Variants in MGST2 observed in about 807,000 individuals in gnomAD.
MGST2 encodes glutathione peroxidase MGST2.
In MGST2, 9 loss-of-function variants were observed where a neutral mutation model predicts 16.6. The observed-to-expected ratio is 0.54, with a 90% confidence interval of 0.33 to 0.95. MGST2 has a LOEUF of 0.95. MGST2 is among the 40% of genes least tolerant of loss of function. The pLI, the probability that MGST2 is intolerant of heterozygous loss-of-function variation, is 0.03. For missense variants in MGST2, 159 were observed against 175.1 expected, an observed-to-expected ratio of 0.91 and a Z score of 0.52; for synonymous variants, 79 against 68.0, an observed-to-expected ratio of 1.16 and a Z score of -0.79.
intron 2 of MGST2, among the ~76,000 whole-genome samples, chr4:139,688,298 A>T (rs1358353898): frequency 6.6e-6 from 1 of 152,182 alleles, no homozygotes; most frequent in Non-Finnish European, 1.5e-5. Flanking sequence ...TGGAGTCTAG[A>T]TGTATATCTA....
intron 5 of MGST2, among the ~76,000 whole-genome samples, chr4:139,711,561 G>A (rs1010379520): frequency 6.6e-6 from 1 of 152,174 alleles, no homozygotes; most frequent in African/African-American, 2.4e-5. Flanking sequence ...ACTGGTGGGA[G>A]TGTAGCAGAG....
At chr4:139,707,544 G>T (rs1312916814), downstream of MGST2, among the ~76,000 whole-genome samples, 12 of 152,186 alleles carry the variant, frequency 7.9e-5, no homozygotes, top group African/African-American at 2.7e-4. Context: ...CAAGCAGCAT[G>T]ATTTATAATC....
chr4:139,668,854 C>G (rs1579282580), intron 1 of MGST2, among the ~76,000 whole-genome samples: 1 of 151,996 alleles, frequency 6.6e-6, no homozygotes, highest in Non-Finnish European at 1.5e-5. Context: ...ATTCCTTGGG[C>G]TCTGTCAGGA....
At position 139,666,117 on chromosome 4, in the gene MGST2, C is replaced by CGCGCGCGTGT. The variant is rs372455548; in HGVS notation, c.58+41_58+42insCGCGCGTGTG. 2,313 of 1,025,224 alleles carry CGCGCGCGTGT rather than the reference C, an allele frequency of 2.3e-3. 26 individuals carry two copies. In the African/African-American group the frequency reaches 0.08, roughly 36 times the overall value. The allele number at this position is 1,025,224 out of a possible 1,614,324, so 63.5% of individuals were successfully genotyped here. On this transcript the variant is annotated intron_variant, in intron 1 of 4. Coordinates refer to ENST00000265498, the MANE Select transcript of MGST2 (RefSeq NM_002413.5). ...AAGTTCGTGTGTGTGCGCGTGTGTG[C>CGCGCGCGTGT]GTGTGTGTGTGTGTGTGACAAGGCT... is the stretch of plus-strand genomic sequence containing the variant.
chr4:139,698,999 A>T (rs1224696938), intron 3 of MGST2, among the ~76,000 whole-genome samples: 1 of 152,214 alleles, frequency 6.6e-6, no homozygotes, highest in African/African-American at 2.4e-5. Flanking sequence ...CACTAGTAGC[A>T]ATCTGTATGG....
At chr4:139,741,680 G>A, downstream of MGST2, among the ~76,000 whole-genome samples, 1 of 152,196 alleles carries the variant, frequency 6.6e-6, no homozygotes, top group East Asian at 1.9e-4. Context: ...CTGGGAGGTT[G>A]AGGCTGCAGT....
intron 1 of MGST2, 80 bp downstream of exon 1, chr4:139,666,157 G>A: frequency 2.5e-5 from 35 of 1,374,392 alleles, no homozygotes; most frequent in Non-Finnish European, 3.4e-5. Flanking sequence ...GGAGAGAGAG[G>A]GAGGGAGGGA....
chr4:139,665,910 T>C lies in MGST2; in HGVS notation c.-110T>C, dbSNP rs987038389. 5.5e-6 allele frequency: 6 copies of C among 1,090,904 alleles called. No homozygotes were observed. Among genetic ancestry groups the C allele is most frequent in the African/African-American group, 3.1e-5 (2 of 64,978 alleles). The allele number at this position is 1,090,904 out of a possible 1,614,324, so 67.6% of individuals were successfully genotyped here. The stretch of plus-strand genomic sequence containing the variant: ...CATTCAGCCGCTTGAATCAGCCTTT[T>C]CCCCCCACCCGGTCCCCAACTTTGT... On this transcript the variant is annotated 5_prime_UTR_variant, in exon 1 of 5. Transcript: ENST00000265498.
chr4:139,671,509 G>A (rs1278230236), intron 1 of MGST2, among the ~76,000 whole-genome samples: 2 of 106,560 alleles, frequency 1.9e-5, no homozygotes, highest in Admixed American at 8.8e-5. Context: ...TCTGTCGCCC[G>A]GGCTGGAGTG....
At chr4:139,666,426 G>A (rs1385274607) in intron 1 of MGST2, among the ~76,000 whole-genome samples, 1 of 152,170 alleles carries the variant, frequency 6.6e-6, no homozygotes, top group Non-Finnish European at 1.5e-5. Flanking sequence ...AGGAAGTGGT[G>A]TGAATATTAA....
chr4:139,687,603 T>C (rs1731635145), intron 2 of MGST2: 1 of 152,296 alleles, frequency 6.6e-6, no homozygotes, highest in Non-Finnish European at 1.5e-5. Flanking sequence ...TTTCTCCTGC[T>C]GATTTTGCCC....
Position 139,715,135 on chromosome 4 carries a change from T to G in MGST2, c.*48+10939T>G. 1.3e-5 allele frequency among the ~76,000 whole-genome samples: 2 copies of G among 152,128 alleles called. No homozygotes were observed. Among genetic ancestry groups the G allele is most frequent in the East Asian group, 3.9e-4 (2 of 5,186 alleles). On this transcript the variant is annotated intron_variant, in intron 5 of 5. Transcript: ENST00000616265. The surrounding 1 kb of genome is among the most constrained non-coding windows in gnomAD (Gnocchi z 4.4). Reference sequence around the variant, plus strand: ...GTCGGTCAAGCATCCTTGCCTTTTATTAAGGGGGAGCCTTTAACCACCTCT... The same window carrying G: ...GTCGGTCAAGCATCCTTGCCTTTTAGTAAGGGGGAGCCTTTAACCACCTCT...
chr4:139,728,130 G>T (rs1728552713), intron 5 of MGST2, among the ~76,000 whole-genome samples: 1 of 152,196 alleles, frequency 6.6e-6, no homozygotes, highest in Admixed American at 6.5e-5. Context: ...TGGGAAGATT[G>T]CTTGAGCTCA....
chr4:139,679,659 T>A (rs1234536792), intron 2 of MGST2, among the ~76,000 whole-genome samples: 1 of 152,224 alleles, frequency 6.6e-6, no homozygotes, highest in East Asian at 1.9e-4. Flanking sequence ...CATTGGTCTC[T>A]TGATTATCCA....
intron 5 of MGST2, among the ~76,000 whole-genome samples, chr4:139,723,347 G>A (rs1728332169): frequency 6.6e-6 from 1 of 152,120 alleles, no homozygotes; most frequent in African/African-American, 2.4e-5. Context: ...TTTTGCTCTT[G>A]TTGCCCAGGC....
the MGST2 span, among the ~76,000 whole-genome samples, chr4:139,751,872 TA>T: frequency 6.6e-6 from 1 of 152,186 alleles, no homozygotes; most frequent in Non-Finnish European, 1.5e-5. Context: ...TGTCTGCATG[TA>T]AGGTTACAGT....
chr4:139,678,838 A>G, intron 2 of MGST2, 196 bp downstream of exon 2: 1 of 620,774 alleles, frequency 1.6e-6, no homozygotes. Flanking sequence ...CTCTGCCCAC[A>G]TCTATTACCA....
intron 3 of MGST2, among the ~76,000 whole-genome samples, chr4:139,696,412 A>G (rs1394189121): frequency 6.6e-6 from 1 of 152,238 alleles, no homozygotes; most frequent in Admixed American, 6.5e-5. Context: ...AAAAAAGCAG[A>G]CTTGAATCAT....
chr4:139,704,326 CATCCAT>C (rs1727433697), downstream of MGST2: 3 of 712,924 alleles, frequency 4.2e-6, no homozygotes, highest in Non-Finnish European at 6.9e-6. Context: ...GGGGTAGGTA[CATCCAT>C]ATCATCAGTG....
Sources: gnomAD v4.1 joint callset for allele counts (sites outside exome capture counted in the v4.1 genomes callset) on GRCh38, gnomAD v4.1.1 for gene constraint, Gnocchi (gnomAD v3.1) non-coding constraint, MANE v1.5 for transcripts, NCBI Gene and HGNC (gene_info 2026-07-23, HGNC 2026-07-21) for gene names.